Variants in HADHA observed in about 807,000 individuals in gnomAD.
The protein encoded by HADHA is hydroxyacyl-CoA dehydrogenase trifunctional multienzyme complex subunit alpha.
Under a neutral mutation model 91.3 loss-of-function variants are expected in HADHA, and 59 were observed. That is an observed-to-expected ratio of 0.65 (90% confidence interval 0.52 to 0.80). HADHA has a LOEUF of 0.80. Ranked by LOEUF, HADHA falls within the 30% of genes least tolerant of loss-of-function variation. HADHA has a pLI of 0.00. For synonymous variants in HADHA, 320 were observed against 338.9 expected, an observed-to-expected ratio of 0.94 and a Z score of 0.61; for missense variants, 800 against 927.6, an observed-to-expected ratio of 0.86 and a Z score of 1.79.
chr2:26,215,262 G>A, intron 7 of HADHA, 87 bp from the exon 8 acceptor site: 2 of 1,210,102 alleles, frequency 1.7e-6, no homozygotes, highest in South Asian at 1.2e-5. Context: ...AAAGCCAAAG[G>A]CCCTAGCACA....
intron 11 of HADHA, among the ~76,000 whole-genome samples, chr2:26,205,803 T>A (rs907187484): frequency 7.3e-5 from 11 of 151,642 alleles, no homozygotes; most frequent in South Asian, 2.1e-4. Flanking sequence ...CTCCATTTTT[T>A]TTAAAAAAAA....
chr2:26,198,051 T>C (rs894807641), intron 13 of HADHA, among the ~76,000 whole-genome samples: 3 of 152,160 alleles, frequency 2.0e-5, no homozygotes, highest in Non-Finnish European at 4.4e-5. Context: ...ATCTCAGCAG[T>C]TGGGTCAATA....
Position 26,204,185 on chromosome 2 carries a change from A to G in HADHA, c.1097T>C (p.Ile366Thr). ...APQKDVKHLA[I>T]LGAGLMGAGI... ...TGCTCCCATCAGCCCTGCACCAAGA[A>G]TAGCCAGATGCCTGCAAGGCAAGGA... The change falls in exon 12 of 20, where the codon ATT becomes ACT. Residue 366 changes from isoleucine to threonine, a missense_variant. By Grantham distance (89) the Ile-to-Thr change is moderately conservative. Transcript: ENST00000380649. 1 of 1,614,104 alleles carries G rather than the reference A, an allele frequency of 6.2e-7. No individual in the cohort carries two copies. The highest frequency in any genetic ancestry group is 8.5e-7 in the Non-Finnish European group (1 of 1,179,890).
At chr2:26,205,944 G>A (rs955171518) in intron 11 of HADHA, among the ~76,000 whole-genome samples, 4 of 152,018 alleles carry the variant, frequency 2.6e-5, no homozygotes, top group South Asian at 4.2e-4. Flanking sequence ...AAAAGACAAC[G>A]AAATAAAATG....
chr2:26,243,968 C>T (rs535297146), intron 1 of HADHA, among the ~76,000 whole-genome samples: 27 of 152,368 alleles, frequency 1.8e-4, no homozygotes, highest in African/African-American at 5.8e-4. Flanking sequence ...AAATACTATA[C>T]GTTCACACTG....
At chr2:26,216,115 TC>T (rs1432029593) in intron 7 of HADHA, among the ~76,000 whole-genome samples, 2 of 152,084 alleles carry the variant, frequency 1.3e-5, no homozygotes, top group East Asian at 3.9e-4. Flanking sequence ...TTAAAAGGAA[TC>T]CAAAGAACAC....
At chr2:26,195,564 T>C (rs937885978) in intron 14 of HADHA, among the ~76,000 whole-genome samples, 2 of 143,222 alleles carry the variant, frequency 1.4e-5, no homozygotes, top group African/African-American at 2.6e-5. Flanking sequence ...TTAATGATAC[T>C]GATGGTTTAG....
rs1334271211 is a variant in HADHA, at chr2:26,229,346, G to GCACACA, written c.676+845_676+846insTGTGTG. Among the ~76,000 whole-genome samples the GCACACA allele has an allele frequency of 0.027, 974 of 36,752 alleles. 9 individuals are homozygous for GCACACA. Among genetic ancestry groups the GCACACA allele is most frequent in the African/African-American group, 0.14 (920 of 6,798 alleles). The allele number at this position is 36,752 out of a possible 152,430, so 24.1% of individuals were successfully genotyped here. On this transcript the variant is annotated intron_variant, in intron 7 of 19. Transcript: ENST00000380649. This position sits in a 1 kb window ranked among gnomAD's most constrained non-coding sequence, Gnocchi z 4.3. ...GAGTGAGACCCCAACATGTGTGCGC[G>GCACACA]CGCACACACACACACACACACACAC... is the stretch of plus-strand genomic sequence containing the variant.
At chr2:26,207,584 A>G (rs754430849) in intron 11 of HADHA, among the ~76,000 whole-genome samples, 2 of 152,172 alleles carry the variant, frequency 1.3e-5, no homozygotes, top group Non-Finnish European at 2.9e-5. Flanking sequence ...TCCTTCTAAT[A>G]AACATCTTCA....
intron 11 of HADHA, 42 bp downstream of exon 11, chr2:26,209,738 C>A: frequency 1.1e-6 from 1 of 939,170 alleles, no homozygotes; most frequent in Non-Finnish European, 1.8e-6. Context: ...ACTTTGCACA[C>A]AGTAAAATTC....
chr2:26,217,127 G>A (rs978165268), intron 7 of HADHA, among the ~76,000 whole-genome samples: 1 of 152,042 alleles, frequency 6.6e-6, no homozygotes, highest in African/African-American at 2.4e-5. Context: ...AGACTGAGGT[G>A]AGAGGATCAC....
intron 1 of HADHA, among the ~76,000 whole-genome samples, chr2:26,243,913 A>T (rs552620973): frequency 3.7e-4 from 56 of 152,386 alleles, no homozygotes; most frequent in African/African-American, 1.3e-3. Context: ...GCGTATTTTT[A>T]AAGTGTGTCT....
chr2:26,207,759 A>C (rs1317142586), intron 11 of HADHA, among the ~76,000 whole-genome samples: 2 of 152,188 alleles, frequency 1.3e-5, no homozygotes, highest in Non-Finnish European at 2.9e-5. Flanking sequence ...CTGTATACTA[A>C]TTTGTAGCTC....
At chr2:26,200,954 G>A (rs868832351) in intron 13 of HADHA, among the ~76,000 whole-genome samples, 195 bp downstream of exon 13, 1 of 151,884 alleles carries the variant, frequency 6.6e-6, no homozygotes, top group Admixed American at 6.6e-5. Flanking sequence ...GTCTGGTCTC[G>A]AACTCCTTAC....
At chr2:26,220,973 C>T (rs144904828) in intron 7 of HADHA, among the ~76,000 whole-genome samples, 3 of 152,306 alleles carry the variant, frequency 2.0e-5, no homozygotes, top group African/African-American at 7.2e-5. Context: ...TTCAGGGCCT[C>T]CCATGTTAGT....
chr2:26,205,792 A>T (rs1271694982), intron 11 of HADHA, among the ~76,000 whole-genome samples: 1 of 151,810 alleles, frequency 6.6e-6, no homozygotes, highest in East Asian at 1.9e-4. Context: ...ACAGAGTGAG[A>T]CTCCATTTTT....
intron 5 of HADHA, among the ~76,000 whole-genome samples, chr2:26,232,685 T>A (rs1306419734): frequency 1.3e-5 from 2 of 152,226 alleles, no homozygotes; most frequent in Non-Finnish European, 2.9e-5. Flanking sequence ...CCCTCCATAT[T>A]CTGGTTAATC....
rs1460079962 is a variant in HADHA at position 26,193,585 on chromosome 2, C to G, written c.1877G>C (p.Gly626Ala). 1 of 1,612,894 alleles carries G rather than the reference C, an allele frequency of 6.2e-7. No homozygotes were observed. Among genetic ancestry groups the G allele is most frequent in the Non-Finnish European group, 8.5e-7 (1 of 1,178,996 alleles). ...PELLTQMVSK[G>A]FLGRKSGKGF... is the part of the protein sequence containing the mutation. ...TCCTTGAGGCTACTCACCTAGGAAG[C>G]CCTTGGACACCATCTGTGTCAGCAG... Residue 626 changes from glycine (G) to alanine (A), a missense_variant, in exon 17 of 20, where the codon GGC (glycine) becomes GCC (alanine). By Grantham distance (60) the Gly-to-Ala change is moderately conservative. Transcript: ENST00000380649.
At position 26,229,158 on chromosome 2, in the gene HADHA, A is replaced by G. The variant is rs1005471034; in HGVS notation, c.676+1034T>C. Reference sequence around the variant, plus strand: ...AGTTTGAGACTAGCCTGGAAAACAGAGTGAGATCTCGTTTCTACAAAAAAT... The same window carrying G: ...AGTTTGAGACTAGCCTGGAAAACAGGGTGAGATCTCGTTTCTACAAAAAAT... On this transcript the variant is annotated intron_variant, in intron 7 of 19. Coordinates refer to ENST00000380649, the MANE Select transcript of HADHA (RefSeq NM_000182.5). The surrounding 1 kb of genome is among the most constrained non-coding windows in gnomAD (Gnocchi z 4.3). 6.6e-6 allele frequency among the ~76,000 whole-genome samples: 1 copy of G among 152,158 alleles called. No individual in the cohort carries two copies. Among genetic ancestry groups the G allele is most frequent in the Non-Finnish European group, 1.5e-5 (1 of 68,036 alleles).
Sources: allele counts gnomAD v4.1 joint callset (sites outside exome capture counted in the v4.1 genomes callset), GRCh38; gene constraint gnomAD v4.1.1; non-coding constraint Gnocchi (gnomAD v3.1); transcripts MANE v1.5; gene names NCBI Gene and HGNC (gene_info 2026-07-23, HGNC 2026-07-21).